The following TBC1D2B variants were observed in gnomAD, a reference collection of about 807,000 sequenced individuals.
TBC1D2B encodes the protein TBC1 domain family member 2B.
In TBC1D2B, 64 loss-of-function variants were observed where a neutral mutation model predicts 100.8. That is an observed-to-expected ratio of 0.64 (90% confidence interval 0.52 to 0.78). The LOEUF (loss-of-function observed/expected upper bound fraction) is 0.78, where lower values mean the gene tolerates loss of function less well. TBC1D2B is among the 30% of genes least tolerant of loss of function. The probability of loss-of-function intolerance (pLI) is 0.00; values close to 1 mark genes in which losing one functional copy is unlikely to be tolerated. For synonymous variants in TBC1D2B, 480 were observed against 479.7 expected (o/e 1.00, Z -0.01); for missense variants, 1,052 against 1,218.4 (o/e 0.86, Z 2.03).
At chr15:78,040,941 G>A (rs1175193416) in intron 3 of TBC1D2B, among the ~76,000 whole-genome samples, 1 of 139,562 alleles carries the variant, frequency 7.2e-6, no homozygotes, top group Non-Finnish European at 1.6e-5. Flanking sequence ...GGAAGGAAGA[G>A]ATCAATCTGG....
intron 8 of TBC1D2B, 33 bp downstream of exon 8, chr15:78,016,513 T>C (rs752031294): frequency 6.3e-7 from 1 of 1,599,120 alleles, no homozygotes. Context: ...AGAAATGGGG[T>C]GCACTACCCT....
chr15:78,040,855 G>GAAGGAAGAAAGAAAGAAAGAAA (rs71447186), intron 3 of TBC1D2B, among the ~76,000 whole-genome samples: 1 of 74,668 alleles, frequency 1.3e-5, no homozygotes, highest in African/African-American at 4.5e-5. Flanking sequence ...AGAAAGAAAG[G>GAAGGAAGAAAGAAAGAAAGAAA]AAGAAAGAAA....
chr15:78,012,474 T>C (rs2072255424), intron 9 of TBC1D2B, among the ~76,000 whole-genome samples: 1 of 152,212 alleles, frequency 6.6e-6, no homozygotes, highest in South Asian at 2.1e-4. Flanking sequence ...GTATACTGCA[T>C]AAACAACGGG....
At chr15:77,999,891 C>A (rs554742903) in intron 12 of TBC1D2B, among the ~76,000 whole-genome samples, 1 of 152,176 alleles carries the variant, frequency 6.6e-6, no homozygotes, top group South Asian at 2.1e-4. Context: ...CGATGCTCAG[C>A]GCCTTAAAAG....
At chr15:78,077,192 G>A (rs1195139675) in intron 1 of TBC1D2B, 101 bp downstream of exon 1, 7 of 1,365,146 alleles carry the variant, frequency 5.1e-6, no homozygotes, top group Non-Finnish European at 3.8e-6. Flanking sequence ...GGGCAGGGGC[G>A]AGGAGGCCTT....
At position 78,035,048 on chromosome 15, in the gene TBC1D2B, C is replaced by T. The variant is rs1013566104; in HGVS notation, c.684-4878G>A. Among the ~76,000 whole-genome samples the T allele has an allele frequency of 3.9e-5, 6 of 152,192 alleles. No individual in the cohort carries two copies. In the South Asian group the frequency reaches 6.2e-4, roughly 16 times the overall value. On this transcript the variant is annotated intron_variant, in intron 3 of 12. Coordinates refer to ENST00000300584, the MANE Select transcript of TBC1D2B (RefSeq NM_144572.2). ...GACAGTATTTGCTGTTTAAAGACCG[C>T]AGTCTCATTTGACAGATCTTTGAGA...
chr15:78,039,187 A>G (rs1448896062), intron 3 of TBC1D2B, among the ~76,000 whole-genome samples: 3 of 152,240 alleles, frequency 2.0e-5, no homozygotes, highest in Non-Finnish European at 4.4e-5. Context: ...CCTTCCAACA[A>G]GGAAAATCAC....
At chr15:78,040,876 AAGAAAGAGAG>A (rs1351377793) in intron 3 of TBC1D2B, among the ~76,000 whole-genome samples, 3 of 146,236 alleles carry the variant, frequency 2.1e-5, no homozygotes, top group African/African-American at 7.9e-5. Context: ...GAAAGAAAGA[AAGAAAGAGAG>A]AGAGAGAGAA....
chr15:78,043,251 A>C (rs1457371431), intron 3 of TBC1D2B, among the ~76,000 whole-genome samples: 1 of 152,168 alleles, frequency 6.6e-6, no homozygotes, highest in Admixed American at 6.5e-5. Flanking sequence ...GCTTCTAAGA[A>C]CACCCCAGCC....
In TBC1D2B at chr15:77,998,284, T is replaced by G; in HGVS notation, c.2768A>C (p.Tyr923Ser). The change falls in exon 13 of 13, where the codon TAC (tyrosine) becomes TCC (serine). Residue 923 changes from tyrosine to serine, a missense_variant. By Grantham distance (144) the Tyr-to-Ser change is moderately radical. Transcript: ENST00000300584. Reference sequence around the variant, plus strand: ...CTCCAGCCGGACTTTCTCCAAGTGGTAGGCGCGTCGGTTCCGGATCTGGCG... The same window carrying G: ...CTCCAGCCGGACTTTCTCCAAGTGGGAGGCGCGTCGGTTCCGGATCTGGCG... ...PLRQIRNRRA[Y>S]HLEKVRLELT... 2 of 1,605,316 alleles carry G rather than the reference T, an allele frequency of 1.2e-6. No individual in the cohort carries two copies. Among genetic ancestry groups the G allele is most frequent in the South Asian group, 2.2e-5 (2 of 89,062 alleles).
intron 3 of TBC1D2B, chr15:78,034,349 A>G (rs1466896586): frequency 4.0e-5 from 10 of 252,514 alleles, no homozygotes; most frequent in Non-Finnish European, 5.6e-5. Flanking sequence ...GCACTGGGAC[A>G]CCGCTGGACC....
intron 1 of TBC1D2B, among the ~76,000 whole-genome samples, chr15:78,063,170 T>C (rs2073584338): frequency 6.6e-6 from 1 of 152,196 alleles, no homozygotes; most frequent in Non-Finnish European, 1.5e-5. Context: ...CACAAAGTAC[T>C]CGTGTATCAA....
At chr15:78,031,570 AAAAAAGAG>A (rs1457595862) in intron 3 of TBC1D2B, among the ~76,000 whole-genome samples, 49 of 150,418 alleles carry the variant, frequency 3.3e-4, no homozygotes, top group African/African-American at 1.2e-3. Flanking sequence ...AAAAAAAAAA[AAAAAAGAG>A]AGAGAGAGAG....
intron 1 of TBC1D2B, among the ~76,000 whole-genome samples, chr15:78,067,035 T>TA: frequency 6.6e-6 from 1 of 152,112 alleles, no homozygotes; most frequent in Non-Finnish European, 1.5e-5. Flanking sequence ...ATACAACTAC[T>TA]AAAAAAAGAA....
chr15:78,037,379 G>A (rs181054079), intron 3 of TBC1D2B, among the ~76,000 whole-genome samples: 2 of 152,228 alleles, frequency 1.3e-5, no homozygotes, highest in Admixed American at 1.3e-4. Flanking sequence ...CATCTTCACA[G>A]CAAAACCATC....
rs1297954779 is a variant in TBC1D2B at position 77,997,527 on chromosome 15, T to G, written c.*633A>C. Reference sequence around the variant, plus strand: ...CCCCATGCAGGCTGGAAGACACTGATGGAAGGGTTGCGTGTGGAAGAGCAA... The same window carrying G: ...CCCCATGCAGGCTGGAAGACACTGAGGGAAGGGTTGCGTGTGGAAGAGCAA... On this transcript the variant is annotated 3_prime_UTR_variant, in exon 13 of 13. Coordinates refer to ENST00000300584, the MANE Select transcript of TBC1D2B (RefSeq NM_144572.2). The G allele has an allele frequency of 6.6e-6, 1 of 152,276 alleles. No homozygotes were observed. Among genetic ancestry groups the G allele is most frequent in the South Asian group, 2.1e-4 (1 of 4,834 alleles). The allele number at this position is 152,276 out of a possible 1,614,324, so 9.4% of individuals were successfully genotyped here.
In TBC1D2B at chr15:77,996,453, G is replaced by C. The variant is rs533753828; in HGVS notation, c.*1707C>G. ...TGGGGGGGGTTCCAACACTTGATTC[G>C]AGCAGACTGCAACGCCCAGCTCACA... On this transcript the variant is annotated 3_prime_UTR_variant, in exon 13 of 13. Coordinates refer to ENST00000300584, the MANE Select transcript of TBC1D2B (RefSeq NM_144572.2). 2 of 152,206 alleles carry C rather than the reference G, an allele frequency of 1.3e-5. No individual in the cohort carries two copies. Among genetic ancestry groups the C allele is most frequent in the African/African-American group, 4.8e-5 (2 of 41,524 alleles). 9.4% of individuals were successfully genotyped at this position (152,206 alleles called of 1,614,324 possible). A position where few individuals can be genotyped will look rare whatever the true frequency, so the allele number is the denominator to read the frequency against.
In TBC1D2B at chr15:78,025,582, A is replaced by G. The variant is rs1596314893; in HGVS notation, c.848-85T>C. 7 of 1,048,508 alleles carry G rather than the reference A, an allele frequency of 6.7e-6. No homozygotes were observed. The East Asian group carries it at 2.0e-4, about 30-fold the overall frequency. The allele number at this position is 1,048,508 out of a possible 1,614,324, so 65.0% of individuals were successfully genotyped here. ...CGGTCTGTCGCCCAGGCTGGAGTGC[A>G]GTGGCGCAATGTCGGCTCACTGTAA... On this transcript the variant is annotated intron_variant, in intron 4 of 12. Transcript: ENST00000300584.
chr15:78,036,422 G>A (rs2072947767), intron 3 of TBC1D2B, among the ~76,000 whole-genome samples: 1 of 152,174 alleles, frequency 6.6e-6, no homozygotes, highest in South Asian at 2.1e-4. Flanking sequence ...TAAGAGGTGG[G>A]ACCATTAAGA....
Sources: allele counts gnomAD v4.1 joint callset (sites outside exome capture counted in the v4.1 genomes callset), GRCh38; gene constraint gnomAD v4.1.1; transcripts MANE v1.5; gene names NCBI Gene and HGNC (gene_info 2026-07-23, HGNC 2026-07-21).